AHDC1: variants seen among roughly 807,000 people sequenced by gnomAD.
The protein encoded by AHDC1 is AT-hook DNA binding motif containing 1.
AHDC1 carries 7 observed loss-of-function variants against 87.9 expected under a neutral mutation model. The observed-to-expected ratio is 0.08, with a 90% CI of 0.05 to 0.15. AHDC1 has a LOEUF of 0.15. Ranked by LOEUF, AHDC1 falls within the 10% of genes least tolerant of loss-of-function variation. The pLI is 1.00. For synonymous variants in AHDC1, 1,051 were observed against 1,006.8 expected, an observed-to-expected ratio of 1.04 and a Z score of -0.83; for missense variants, 1,841 against 2,253.2, an observed-to-expected ratio of 0.82 and a Z score of 3.70.
chr1:27,542,146 C>T (rs947247668), intron 8 of AHDC1, among the ~76,000 whole-genome samples: 2 of 152,234 alleles, frequency 1.3e-5, no homozygotes, highest in Non-Finnish European at 2.9e-5. Flanking sequence ...ACAAAGATGG[C>T]ACAACTGCCA....
Position 27,563,601 on chromosome 1 carries a change from G to A in AHDC1, c.-628-4718C>T, listed in dbSNP as rs937388871. Among the ~76,000 whole-genome samples, 12 of 152,202 alleles carry A rather than the reference G, an allele frequency of 7.9e-5. No homozygotes were observed. The highest frequency in any genetic ancestry group is 6.2e-4 in the South Asian group (3 of 4,834). ...GTGCCGTCCCTCTGCCTGCAGAGGC[G>A]TCACAGCTCACACGGCATGAATGTC... On this transcript the variant is annotated intron_variant, in intron 3 of 8. Transcript: ENST00000673934. This position sits in a 1 kb window ranked among gnomAD's most constrained non-coding sequence, Gnocchi z 6.1.
Position 27,565,627 on chromosome 1 carries a change from G to A in AHDC1, c.-628-6744C>T, listed in dbSNP as rs940279416. Among the ~76,000 whole-genome samples the A allele has an allele frequency of 9.9e-4, 151 of 152,304 alleles. 2 individuals are homozygous for A. Among genetic ancestry groups the A allele is most frequent in the Non-Finnish European group, 5.3e-4 (36 of 68,032 alleles). On this transcript the variant is annotated intron_variant, in intron 3 of 8. Coordinates refer to ENST00000673934, the MANE Select transcript of AHDC1 (RefSeq NM_001371928.1). The surrounding 1 kb of genome is among the most constrained non-coding windows in gnomAD (Gnocchi z 4.6). Reference sequence around the variant, plus strand: ...CCTTGTTCCTCATAACTTTGAGTTTGTTCCAGGAACTCAAAGCACTTTAAA... The same window carrying A: ...CCTTGTTCCTCATAACTTTGAGTTTATTCCAGGAACTCAAAGCACTTTAAA...
chr1:27,575,036 G>A (rs561846845), intron 3 of AHDC1, among the ~76,000 whole-genome samples: 1 of 152,328 alleles, frequency 6.6e-6, no homozygotes, highest in African/African-American at 2.4e-5. Flanking sequence ...TGGGAGGCGG[G>A]GCGGGGGTGC....
Position 27,548,125 on chromosome 1 carries a change from T to A in AHDC1, c.3991A>T (p.Arg1331Trp). Reference protein sequence around the residue: ...SSMSPLPSQSRAFGVGERDPC... With the variant: ...SSMSPLPSQSWAFGVGERDPC... ...TCTCGCTCTCCCACGCCGAAGGCCC[T>A]CGACTGTGAGGGCAGTGGTGACATG... The change falls in exon 8 of 9, where the codon AGG becomes TGG. Residue 1331 changes from arginine to tryptophan, a missense_variant. Around this residue, in one of 13 missense-constraint regions of AHDC1, gnomAD observed 505 missense variants for 626.2 expected, o/e 0.81. Transcript: ENST00000673934. The A allele has an allele frequency of 8.7e-6, 14 of 1,613,868 alleles. No homozygotes were observed. Among genetic ancestry groups the A allele is most frequent in the Non-Finnish European group, 1.2e-5 (14 of 1,180,040 alleles).
At chr1:27,567,713 CA>C (rs1397126307) in intron 3 of AHDC1, among the ~76,000 whole-genome samples, 1 of 152,220 alleles carries the variant, frequency 6.6e-6, no homozygotes, top group Non-Finnish European at 1.5e-5. Flanking sequence ...CAAGCACCCC[CA>C]AATCACTGGG....
At chr1:27,579,957 G>A (rs1416428986) in intron 3 of AHDC1, among the ~76,000 whole-genome samples, 2 of 152,176 alleles carry the variant, frequency 1.3e-5, no homozygotes, top group East Asian at 3.8e-4. Context: ...TGCCCGCCAG[G>A]ATCTAAAACC....
chr1:27,567,310 C>G (rs1419452350), intron 3 of AHDC1, among the ~76,000 whole-genome samples: 2 of 152,162 alleles, frequency 1.3e-5, no homozygotes, highest in Non-Finnish European at 2.9e-5. Flanking sequence ...CAGAGGGCAG[C>G]GCGGGGCGCC....
At chr1:27,603,138 C>A (rs1399418920) in intron 3 of AHDC1, among the ~76,000 whole-genome samples, 1 of 151,026 alleles carries the variant, frequency 6.6e-6, no homozygotes, top group Non-Finnish European at 1.5e-5. Context: ...CCAGGAAACC[C>A]GAGAACCCCC....
intron 3 of AHDC1, among the ~76,000 whole-genome samples, chr1:27,580,374 A>G (rs1044563867): frequency 2.0e-5 from 3 of 152,120 alleles, no homozygotes; most frequent in African/African-American, 7.2e-5. Context: ...CCTTACCTCC[A>G]ACTACCTGAT....
At chr1:27,538,734 C>T (rs1178048193) in intron 8 of AHDC1, among the ~76,000 whole-genome samples, 1 of 152,114 alleles carries the variant, frequency 6.6e-6, no homozygotes, top group Non-Finnish European at 1.5e-5. Flanking sequence ...AGGCTAGACT[C>T]GACCTCCTGA....
intron 3 of AHDC1, among the ~76,000 whole-genome samples, chr1:27,592,296 C>G (rs555092330): frequency 2.6e-5 from 4 of 152,244 alleles, no homozygotes; most frequent in Admixed American, 1.3e-4. Context: ...CACCACCCAG[C>G]TTGTCACCTG....
intron 3 of AHDC1, among the ~76,000 whole-genome samples, chr1:27,585,480 T>C (rs2089027893): frequency 6.6e-6 from 1 of 152,082 alleles, no homozygotes; most frequent in Non-Finnish European, 1.5e-5. Flanking sequence ...GAATAGTATC[T>C]GGAACATAGT....
At position 27,561,511 on chromosome 1, in the gene AHDC1, G is replaced by A. The variant is rs1157633211; in HGVS notation, c.-628-2628C>T. Among the ~76,000 whole-genome samples the A allele has an allele frequency of 2.6e-5, 4 of 152,226 alleles. No individual in the cohort carries two copies. Among genetic ancestry groups the A allele is most frequent in the South Asian group, 4.1e-4 (2 of 4,834 alleles). On this transcript the variant is annotated intron_variant, in intron 3 of 8. Coordinates refer to ENST00000673934, the MANE Select transcript of AHDC1 (RefSeq NM_001371928.1). This position sits in a 1 kb window ranked among gnomAD's most constrained non-coding sequence, Gnocchi z 4.2. Reference sequence around the variant, plus strand: ...AGGACAGTGTGGTGGGGGGAACACAGCAAGGAGGGGTGCAGGGGCTGGGCT... The same window carrying A: ...AGGACAGTGTGGTGGGGGGAACACAACAAGGAGGGGTGCAGGGGCTGGGCT...
rs1207199783 is a variant in AHDC1, at chr1:27,534,395, A to AG, written c.*564dup. ...AACCCAAAAGAGTGAAAAATAAGAA[A>AG]GAAAAAAAAAGCTCCCGCAAGAGGT... On this transcript the variant is annotated 3_prime_UTR_variant, in exon 9 of 9. Coordinates refer to ENST00000673934, the MANE Select transcript of AHDC1 (RefSeq NM_001371928.1). The AG allele has an allele frequency of 1.3e-5, 2 of 151,896 alleles. No homozygotes were observed. The highest frequency in any genetic ancestry group is 2.9e-5 in the Non-Finnish European group (2 of 67,996). The allele number at this position is 151,896 out of a possible 1,614,324, so 9.4% of individuals were successfully genotyped here. A position where few individuals can be genotyped will look rare whatever the true frequency, so the allele number is the denominator to read the frequency against.
rs1275651864 is a variant in AHDC1, at chr1:27,549,780, T to C, written c.2336A>G (p.His779Arg). The change falls in exon 8 of 9, where the codon CAC (histidine) becomes CGC (arginine). Residue 779 changes from histidine (H) to arginine (R), a missense_variant. This residue lies in a region of AHDC1 where 236 missense variants were observed against 257.9 expected (regional missense o/e 0.92). Coordinates refer to ENST00000673934, the MANE Select transcript of AHDC1 (RefSeq NM_001371928.1). ...AGCTTGTCCGCCTGGGTGCCCATGG[T>C]GAGGGGCCCAGCCACCACCCTTATC... ...AGDKGGGWAP[H>R]HGHPGGQAGR... The C allele has an allele frequency of 1.2e-6, 2 of 1,613,130 alleles. No homozygotes were observed. The highest frequency in any genetic ancestry group is 2.2e-5 in the South Asian group (2 of 91,070).
Position 27,549,861 on chromosome 1 carries a change from G to A in AHDC1, c.2255C>T (p.Pro752Leu), listed in dbSNP as rs765215006. The A allele has an allele frequency of 1.9e-6, 3 of 1,613,414 alleles. No homozygotes were observed. The highest frequency in any genetic ancestry group is 8.5e-7 in the Non-Finnish European group (1 of 1,179,632). Residue 752 changes from proline (P) to leucine (L), a missense_variant, in exon 8 of 9, where the codon CCA becomes CTA. Physicochemically the swap from Pro to Leu is moderately conservative, Grantham distance 98 (BLOSUM62 -3). Around this residue, in one of 13 missense-constraint regions of AHDC1, gnomAD observed 236 missense variants for 257.9 expected, o/e 0.92. Coordinates refer to ENST00000673934, the MANE Select transcript of AHDC1 (RefSeq NM_001371928.1). ...GCCTGGGCCACTGGGCACCTGCTCT[G>A]GGAACAGAGTCCCATTCTTCCGGGA... ...RRSRKNGTLF[P>L]EQVPSGPGFG... is the part of the protein sequence containing the mutation.
chr1:27,602,556 A>C (rs1317614807), intron 3 of AHDC1, among the ~76,000 whole-genome samples: 1 of 152,098 alleles, frequency 6.6e-6, no homozygotes. Flanking sequence ...ACCCAGACCC[A>C]GCAGGGGAAG....
At chr1:27,583,606 C>G (rs1305326419) in intron 3 of AHDC1, among the ~76,000 whole-genome samples, 1 of 152,142 alleles carries the variant, frequency 6.6e-6, no homozygotes, top group African/African-American at 2.4e-5. Flanking sequence ...CTCCCTCCTT[C>G]CTCTGCTGGA....
rs140455837 is a variant in AHDC1 at position 27,565,402 on chromosome 1, G to C, written c.-628-6519C>G. Among the ~76,000 whole-genome samples the C allele has an allele frequency of 3.7e-4, 57 of 152,282 alleles. No homozygotes were observed. Among genetic ancestry groups the C allele is most frequent in the African/African-American group, 1.3e-3 (53 of 41,552 alleles). On this transcript the variant is annotated intron_variant, in intron 3 of 8. Transcript: ENST00000673934. The surrounding 1 kb of genome is among the most constrained non-coding windows in gnomAD (Gnocchi z 4.6). ...GCTCATTCCATGAAGAGGGGCGAGAGAGGAAGGACAGAGGCCACTGCCCAG... is the reference window on the plus strand; with the variant it reads ...GCTCATTCCATGAAGAGGGGCGAGACAGGAAGGACAGAGGCCACTGCCCAG...
Sources: gnomAD v4.1 joint callset for allele counts (sites outside exome capture counted in the v4.1 genomes callset) on GRCh38, gnomAD v4.1.1 for gene constraint, gnomAD v4.1.1 regional missense constraint, Gnocchi (gnomAD v3.1) non-coding constraint, MANE v1.5 for transcripts, NCBI Gene and HGNC (gene_info 2026-07-23, HGNC 2026-07-21) for gene names.